ALMS1: variants seen among roughly 807,000 people sequenced by gnomAD.
ALMS1 encodes centrosome-associated protein ALMS1.
In ALMS1, 271 loss-of-function variants were observed where a neutral mutation model predicts 352.2. The observed-to-expected ratio is 0.77, with a 90% confidence interval of 0.70 to 0.85. The LOEUF (loss-of-function observed/expected upper bound fraction) is 0.85. Ranked by LOEUF, ALMS1 falls within the 40% of genes least tolerant of loss-of-function variation. The pLI, the probability that ALMS1 is intolerant of heterozygous loss-of-function variation, is 0.00. For synonymous variants in ALMS1, 1,865 were observed against 1,761.2 expected, an observed-to-expected ratio of 1.06 and a Z score of -1.48; for missense variants, 5,445 against 4,870.7, an observed-to-expected ratio of 1.12 and a Z score of -3.51.
intron 9 of ALMS1, among the ~76,000 whole-genome samples, chr2:73,468,512 G>GA (rs954131202): frequency 2.6e-4 from 39 of 152,072 alleles, no homozygotes; most frequent in Admixed American, 2.5e-3. Context: ...TTGTAAAACT[G>GA]AAACTTATAC....
intron 16 of ALMS1, among the ~76,000 whole-genome samples, chr2:73,592,240 A>G (rs1675449852): frequency 6.6e-6 from 1 of 152,232 alleles, no homozygotes; most frequent in Non-Finnish European, 1.5e-5. Context: ...ACACTGGCAG[A>G]AATAGATAAC....
At chr2:73,554,549 C>T in intron 13 of ALMS1, among the ~76,000 whole-genome samples, 1 of 134,924 alleles carries the variant, frequency 7.4e-6, no homozygotes, top group East Asian at 2.1e-4. Flanking sequence ...ACTAAAAATA[C>T]AAAAAAAAAA....
At chr2:73,522,244 GTTAATT>G (rs1376786333) in intron 11 of ALMS1, among the ~76,000 whole-genome samples, 3 of 152,140 alleles carry the variant, frequency 2.0e-5, no homozygotes, top group Non-Finnish European at 4.4e-5. Context: ...AATCGTTGCT[GTTAATT>G]TTCTCCAACC....
chr2:73,504,166 A>G (rs1199557655), intron 10 of ALMS1, among the ~76,000 whole-genome samples: 2 of 152,228 alleles, frequency 1.3e-5, no homozygotes, highest in African/African-American at 4.8e-5. Context: ...ATGTCCTTAC[A>G]TAACTATAAT....
intron 7 of ALMS1, among the ~76,000 whole-genome samples, chr2:73,439,294 T>C (rs1359968173): frequency 2.0e-5 from 3 of 151,996 alleles, no homozygotes; most frequent in Non-Finnish European, 4.4e-5. Context: ...CTTTTTTTTT[T>C]TGTAGAGACA....
chr2:73,506,973 T>C (rs1338430227), intron 10 of ALMS1, among the ~76,000 whole-genome samples: 1 of 152,140 alleles, frequency 6.6e-6, no homozygotes, highest in Non-Finnish European at 1.5e-5. Flanking sequence ...GTTTATTGAG[T>C]GTTTTTAGCA....
chr2:73,405,877 T>A (rs1156592916), intron 1 of ALMS1, among the ~76,000 whole-genome samples: 3 of 152,228 alleles, frequency 2.0e-5, no homozygotes, highest in Non-Finnish European at 4.4e-5. Flanking sequence ...CTTTTCTTTC[T>A]GCAGCTACCT....
chr2:73,560,418 A>T (rs1270823165), intron 15 of ALMS1, among the ~76,000 whole-genome samples: 1 of 152,202 alleles, frequency 6.6e-6, no homozygotes, highest in Non-Finnish European at 1.5e-5. Context: ...ATGCAAGGAA[A>T]TTGAAACCCT....
chr2:73,609,619 T>G lies in ALMS1; in HGVS notation c.*7T>G. The G allele has an allele frequency of 6.2e-7, 1 of 1,613,772 alleles. No individual in the cohort carries two copies. The highest frequency in any genetic ancestry group is 1.1e-5 in the South Asian group (1 of 91,066). ...AAAAGTTCCCTGGGACTGACACAAG[T>G]TTATTTTCCTCAGAGCCTTGGAATT... On this transcript the variant is annotated 3_prime_UTR_variant, in exon 23 of 23. Coordinates refer to ENST00000613296, the MANE Select transcript of ALMS1 (RefSeq NM_001378454.1).
At position 73,448,921 on chromosome 2, in the gene ALMS1, C is replaced by A; in HGVS notation, c.2394C>A (p.Asp798Glu). 1 of 1,614,102 alleles carries A rather than the reference C, an allele frequency of 6.2e-7. No homozygotes were observed. The highest frequency in any genetic ancestry group is 1.1e-5 in the South Asian group (1 of 91,082). ...LKVSAVAGPA[D>E]QKTGLPTVPS... ...TTTCAGCTGTTGCTGGACCAGCTGA[C>A]CAGAAGACTGGCCTACCAACAGTAC... The change falls in exon 8 of 23, where the codon GAC becomes GAA. Residue 798 changes from aspartate to glutamate, a missense_variant. Physicochemically the swap from Asp to Glu is conservative, Grantham distance 45 (BLOSUM62 2). Transcript: ENST00000613296.
intron 10 of ALMS1, among the ~76,000 whole-genome samples, chr2:73,509,180 A>G (rs942904172): frequency 2.0e-5 from 3 of 152,058 alleles, no homozygotes; most frequent in African/African-American, 7.2e-5. Context: ...ACAGCACACC[A>G]ATGGGTCTTG....
chr2:73,532,241 C>CTGG (rs550070033), intron 11 of ALMS1, among the ~76,000 whole-genome samples: 3 of 152,206 alleles, frequency 2.0e-5, no homozygotes, highest in Admixed American at 6.5e-5. Context: ...GAACCACTTG[C>CTGG]TGGATACTGC....
chr2:73,422,746 C>T, intron 3 of ALMS1, 111 bp from the exon 4 acceptor site: 1 of 873,238 alleles, frequency 1.1e-6, no homozygotes, highest in Middle Eastern at 2.3e-4. Flanking sequence ...TATTCTAATG[C>T]TTGTAGAATT....
intron 9 of ALMS1, among the ~76,000 whole-genome samples, chr2:73,469,053 C>T (rs889961683): frequency 6.6e-6 from 1 of 151,884 alleles, no homozygotes; most frequent in Non-Finnish European, 1.5e-5. Flanking sequence ...CACACTGTAC[C>T]CAATGATTTA....
rs79852231 is a variant in ALMS1, at chr2:73,494,007, G to A, written c.9539+2509G>A. ...AAACAAGGTATTGGCTGCAAATGTGGTCTCATCACAGGGCTTGCCTGAGAG... is the reference window on the plus strand; with the variant it reads ...AAACAAGGTATTGGCTGCAAATGTGATCTCATCACAGGGCTTGCCTGAGAG... On this transcript the variant is annotated intron_variant, in intron 10 of 22. Transcript: ENST00000613296. Among the ~76,000 whole-genome samples, 1,496 of 152,242 alleles carry A rather than the reference G, an allele frequency of 9.8e-3. 29 individuals are homozygous for A. The highest frequency in any genetic ancestry group is 0.034 in the African/African-American group (1,404 of 41,532).
rs1325669705 is a variant in ALMS1, at chr2:73,424,894, A to G, written c.1229A>G (p.Tyr410Cys). 6.2e-7 allele frequency: 1 copy of G among 1,600,212 alleles called. No homozygotes were observed. Among genetic ancestry groups the G allele is most frequent in the Non-Finnish European group, 8.5e-7 (1 of 1,172,638 alleles). The part of the protein sequence containing the change: ...QEDSSKQAET[Y>C]LTKGLQGKVE... Reference sequence around the variant, plus strand: ...GATTCATCTAAGCAGGCAGAAACATATTTAACCAGTAAGTACCCTGATTCT... The same window carrying G: ...GATTCATCTAAGCAGGCAGAAACATGTTTAACCAGTAAGTACCCTGATTCT... Residue 410 changes from tyrosine (Y) to cysteine (C), a missense_variant, in exon 5 of 23, where the codon TAT becomes TGT. Physicochemically the swap from Tyr to Cys is radical, Grantham distance 194. Transcript: ENST00000613296.
At chr2:73,593,999 T>A (rs945007603) in intron 16 of ALMS1, among the ~76,000 whole-genome samples, 1 of 152,230 alleles carries the variant, frequency 6.6e-6, no homozygotes, top group African/African-American at 2.4e-5. Context: ...TTGTGTTGTT[T>A]CTGTTTTTTG....
chr2:73,508,207 C>CTT (rs562118895), intron 10 of ALMS1, among the ~76,000 whole-genome samples: 2,341 of 107,996 alleles, frequency 0.022, 106 homozygotes, highest in African/African-American at 0.072. Context: ...TCTTCTTCTT[C>CTT]TTTTTTTTTT....
chr2:73,532,552 T>C (rs1200830239), intron 11 of ALMS1, among the ~76,000 whole-genome samples: 5 of 152,186 alleles, frequency 3.3e-5, no homozygotes, highest in South Asian at 2.1e-4. Flanking sequence ...ACCACTGATA[T>C]TCATTCAAGG....
Sources: gnomAD v4.1 joint callset for allele counts (sites outside exome capture counted in the v4.1 genomes callset) on GRCh38, gnomAD v4.1.1 for gene constraint, MANE v1.5 for transcripts, NCBI Gene and HGNC (gene_info 2026-07-23, HGNC 2026-07-21) for gene names.